Variants in CTNNA3 observed in about 807,000 individuals in gnomAD.
The protein encoded by CTNNA3 is catenin alpha-3.
A neutral mutation model predicts 95.7 loss-of-function variants in CTNNA3; 76 were observed. The observed-to-expected ratio is 0.79, with a 90% confidence interval of 0.66 to 0.96. The LOEUF (loss-of-function observed/expected upper bound fraction) is 0.96. Ranked by LOEUF, CTNNA3 falls within the 40% of genes least tolerant of loss-of-function variation. CTNNA3 has a pLI of 0.00. For synonymous variants in CTNNA3, 431 were observed against 374.4 expected, an observed-to-expected ratio of 1.15 and a Z score of -1.74; for missense variants, 1,191 against 1,089.8, an observed-to-expected ratio of 1.09 and a Z score of -1.31.
chr10:67,630,720 T>C (rs918028117), intron 2 of CTNNA3, among the ~76,000 whole-genome samples: 2 of 152,222 alleles, frequency 1.3e-5, no homozygotes, highest in Non-Finnish European at 2.9e-5. Context: ...ATAATGTTTA[T>C]TACTGTTCTT....
At chr10:66,461,966 C>A (rs566807490) in intron 11 of CTNNA3, among the ~76,000 whole-genome samples, 6 of 151,730 alleles carry the variant, frequency 4.0e-5, no homozygotes, top group African/African-American at 1.5e-4. Context: ...GTGCGTGCCA[C>A]CACACCCGGC....
At chr10:67,360,094 C>A (rs1440836239) in intron 5 of CTNNA3, among the ~76,000 whole-genome samples, 1 of 152,028 alleles carries the variant, frequency 6.6e-6, no homozygotes, top group African/African-American at 2.4e-5. Flanking sequence ...GAATTTCAAA[C>A]CCCACCAAAC....
chr10:67,466,937 T>C (rs1182346673), intron 5 of CTNNA3, among the ~76,000 whole-genome samples: 1 of 152,188 alleles, frequency 6.6e-6, no homozygotes, highest in East Asian at 1.9e-4. Context: ...CAATGTGGAA[T>C]AACGAGGGAG....
intron 5 of CTNNA3, among the ~76,000 whole-genome samples, chr10:67,290,275 A>T (rs1336957238): frequency 6.6e-6 from 1 of 152,178 alleles, no homozygotes; most frequent in South Asian, 2.1e-4. Context: ...CTTGTGTGGC[A>T]TGTAGCACCA....
intron 5 of CTNNA3, among the ~76,000 whole-genome samples, chr10:67,375,602 C>T (rs746628427): frequency 2.3e-4 from 33 of 141,384 alleles, no homozygotes; most frequent in Admixed American, 6.4e-4. Flanking sequence ...GACTCTGTCT[C>T]AAAAAAAAAA....
chr10:67,189,872 T>C (rs1316612769), intron 6 of CTNNA3, among the ~76,000 whole-genome samples: 2 of 152,068 alleles, frequency 1.3e-5, no homozygotes, highest in African/African-American at 2.4e-5. Context: ...TCTGACACTA[T>C]GACGGAATGA....
chr10:67,487,997 G>A (rs561352753), intron 5 of CTNNA3, among the ~76,000 whole-genome samples: 145 of 152,300 alleles, frequency 9.5e-4, no homozygotes, highest in African/African-American at 3.2e-3. Context: ...AGAGCATCCC[G>A]CTCACACTGT....
At chr10:66,028,060 C>T (rs1225022907) in intron 15 of CTNNA3, among the ~76,000 whole-genome samples, 1 of 152,146 alleles carries the variant, frequency 6.6e-6, no homozygotes, top group Non-Finnish European at 1.5e-5. Flanking sequence ...TTTACTTATA[C>T]TTAAATATGA....
intron 5 of CTNNA3, among the ~76,000 whole-genome samples, chr10:67,357,612 T>C (rs1160528974): frequency 6.6e-6 from 1 of 152,108 alleles, no homozygotes; most frequent in Non-Finnish European, 1.5e-5. Context: ...CTTCTTAAGA[T>C]AATTTATAAA....
At chr10:67,692,134 C>A (rs74635126) in intron 1 of CTNNA3, among the ~76,000 whole-genome samples, 1 of 151,336 alleles carries the variant, frequency 6.6e-6, no homozygotes, top group Non-Finnish European at 1.5e-5. Flanking sequence ...CAGCCCCCTG[C>A]CCGGCCAGCC....
At chr10:66,060,475 G>C (rs2080171994) in intron 15 of CTNNA3, among the ~76,000 whole-genome samples, 1 of 151,988 alleles carries the variant, frequency 6.6e-6, no homozygotes, top group South Asian at 2.1e-4. Context: ...CACTAGCACG[G>C]AGAGAATGGA....
chr10:67,172,977 G>GAAAAAAAA (rs61247841), intron 7 of CTNNA3, among the ~76,000 whole-genome samples: 1 of 130,628 alleles, frequency 7.7e-6, no homozygotes, highest in Non-Finnish European at 1.7e-5. Flanking sequence ...CCCATCTCAG[G>GAAAAAAAA]AAAAAAAAAA....
At chr10:66,012,177 T>C (rs2079017127) in intron 15 of CTNNA3, among the ~76,000 whole-genome samples, 1 of 152,048 alleles carries the variant, frequency 6.6e-6, no homozygotes, top group Non-Finnish European at 1.5e-5. Flanking sequence ...TGAAATCAAA[T>C]AGGGAAAAGA....
intron 2 of CTNNA3, among the ~76,000 whole-genome samples, chr10:67,623,910 A>C (rs1410644953): frequency 6.6e-6 from 1 of 152,100 alleles, no homozygotes; most frequent in African/African-American, 2.4e-5. Flanking sequence ...TCCGTCTCCC[A>C]GGTTCAAGCG....
At chr10:67,577,509 G>A (rs1401233910) in intron 3 of CTNNA3, among the ~76,000 whole-genome samples, 1 of 152,012 alleles carries the variant, frequency 6.6e-6, no homozygotes, top group East Asian at 1.9e-4. Flanking sequence ...TTCTTTTGCT[G>A]TGCAGAAGCT....
intron 9 of CTNNA3, among the ~76,000 whole-genome samples, chr10:66,729,191 A>G (rs560138925): frequency 6.6e-6 from 1 of 152,372 alleles, no homozygotes; most frequent in South Asian, 2.1e-4. Flanking sequence ...GCCAACAAAC[A>G]TATGAAAAAC....
At chr10:67,717,155 T>C (rs1014777381) in intron 1 of CTNNA3, among the ~76,000 whole-genome samples, 1 of 152,204 alleles carries the variant, frequency 6.6e-6, no homozygotes, top group African/African-American at 2.4e-5. Flanking sequence ...TTTGCCCACT[T>C]TTTGATGGGG....
chr10:67,011,246 C>A (rs941131369), intron 7 of CTNNA3, among the ~76,000 whole-genome samples: 8 of 150,212 alleles, frequency 5.3e-5, no homozygotes, highest in African/African-American at 2.0e-4. Context: ...GAGGCTGAGG[C>A]AGGAGAATTG....
intron 5 of CTNNA3, among the ~76,000 whole-genome samples, chr10:67,326,969 G>A (rs1019342667): frequency 3.9e-5 from 6 of 152,064 alleles, no homozygotes; most frequent in African/African-American, 1.4e-4. Flanking sequence ...ATTTCAGACA[G>A]CCAGTTTTCA....
Sources: allele counts gnomAD v4.1 joint callset (sites outside exome capture counted in the v4.1 genomes callset), GRCh38; gene constraint gnomAD v4.1.1; transcripts MANE v1.5; gene names NCBI Gene and HGNC (gene_info 2026-07-23, HGNC 2026-07-21).